The following NSUN3 variants were observed in gnomAD, a reference collection of about 807,000 sequenced individuals.
The protein encoded by NSUN3 is NOP2/Sun RNA methyltransferase 3.
A neutral mutation model predicts 36.8 loss-of-function variants in NSUN3; 24 were observed. That is an observed-to-expected ratio of 0.65 (90% CI 0.47 to 0.92). NSUN3 has a LOEUF of 0.92. Among genes scored for constraint, NSUN3 ranks in the 40% least tolerant of loss-of-function variants. The probability of loss-of-function intolerance (pLI) is 0.00; values close to 1 mark genes in which losing one functional copy is unlikely to be tolerated. For synonymous variants in NSUN3, 146 were observed against 145.2 expected (o/e 1.01, Z -0.04); for missense variants, 381 against 392.8 (o/e 0.97, Z 0.25).
At chr3:94,118,400 A>G (rs1391400813) in intron 5 of NSUN3, among the ~76,000 whole-genome samples, 1 of 152,182 alleles carries the variant, frequency 6.6e-6, no homozygotes, top group Non-Finnish European at 1.5e-5. Context: ...GTTGTTAGTC[A>G]TGACATTTTT....
intron 1 of NSUN3, 44 bp downstream of exon 1, chr3:94,063,182 G>T (rs909166833): frequency 6.2e-7 from 1 of 1,608,758 alleles, no homozygotes; most frequent in Admixed American, 1.7e-5. Flanking sequence ...TGAATGAGAC[G>T]CTTCTGGACG....
chr3:94,119,137 A>G (rs2077451850), intron 5 of NSUN3, among the ~76,000 whole-genome samples: 1 of 152,194 alleles, frequency 6.6e-6, no homozygotes, highest in African/African-American at 2.4e-5. Context: ...ACATTATTGT[A>G]ATGGACAGGG....
chr3:94,102,586 T>G (rs1462010128), intron 5 of NSUN3, among the ~76,000 whole-genome samples: 2 of 152,188 alleles, frequency 1.3e-5, no homozygotes, highest in Non-Finnish European at 2.9e-5. Context: ...CTTCATCTTG[T>G]TTCTTTTTTC....
Position 94,063,065 on chromosome 3 carries a change from C to T in NSUN3, c.-62C>T, listed in dbSNP as rs2077186712. 3 of 1,600,668 alleles carry T rather than the reference C, an allele frequency of 1.9e-6. No individual in the cohort carries two copies. The highest frequency in any genetic ancestry group is 2.7e-5 in the African/African-American group (2 of 74,504). On this transcript the variant is annotated 5_prime_UTR_variant, in exon 1 of 6. Transcript: ENST00000314622. ...GGAAGTCAGACTGTTTTTTTCAGTTCCCTGGAGGCTTTTTGATACTGATTC... is the reference window on the plus strand; with the variant it reads ...GGAAGTCAGACTGTTTTTTTCAGTTTCCTGGAGGCTTTTTGATACTGATTC...
intron 5 of NSUN3, among the ~76,000 whole-genome samples, chr3:94,124,606 G>C (rs1452903519): frequency 6.6e-6 from 1 of 151,900 alleles, no homozygotes; most frequent in East Asian, 1.9e-4. Flanking sequence ...AAGGATCCCA[G>C]TCATATTCCA....
chr3:94,116,129 T>C (rs1425694449), intron 5 of NSUN3, among the ~76,000 whole-genome samples: 1 of 152,212 alleles, frequency 6.6e-6, no homozygotes, highest in Non-Finnish European at 1.5e-5. Flanking sequence ...TTTTCCTTTC[T>C]TACTATCCTT....
intron 2 of NSUN3, among the ~76,000 whole-genome samples, chr3:94,077,832 C>A (rs896029371): frequency 7.9e-5 from 12 of 152,024 alleles, no homozygotes; most frequent in Non-Finnish European, 1.5e-4. Context: ...TCTCTCTTTT[C>A]TTCTTTATTA....
chr3:94,081,862 C>T (rs1049638985), intron 2 of NSUN3: 1 of 152,124 alleles, frequency 6.6e-6, no homozygotes, highest in Non-Finnish European at 1.5e-5. Flanking sequence ...GGCAAGGTTA[C>T]TATATCTCTA....
At chr3:94,120,102 A>G (rs2077455283) in intron 5 of NSUN3, among the ~76,000 whole-genome samples, 1 of 152,236 alleles carries the variant, frequency 6.6e-6, no homozygotes, top group Non-Finnish European at 1.5e-5. Context: ...GTACAGCTTT[A>G]ATGAAAAAGA....
At chr3:94,102,202 T>TAA (rs5850923) in intron 5 of NSUN3, among the ~76,000 whole-genome samples, 5,212 of 101,326 alleles carry the variant, frequency 0.051, 253 homozygotes, top group African/African-American at 0.14. Context: ...AAAGAAACGT[T>TAA]AAAAAAAAAA....
At position 94,131,059 on chromosome 3, in the gene NSUN3, C is replaced by G. The variant is rs1251986707; in HGVS notation, c.*4569C>G. On this transcript the variant is annotated 3_prime_UTR_variant, in exon 6 of 6. Coordinates refer to ENST00000314622, the MANE Select transcript of NSUN3 (RefSeq NM_022072.5). ...TCCTAAGTAGCCTGGACTACAGGCC[C>G]ACAATACCATGCCTGGCTAATTTTT... Among the ~76,000 whole-genome samples the G allele has an allele frequency of 1.3e-5, 2 of 151,992 alleles. No individual in the cohort carries two copies. Among genetic ancestry groups the G allele is most frequent in the African/African-American group, 4.8e-5 (2 of 41,452 alleles).
rs1219399818 is a variant in NSUN3 at position 94,109,484 on chromosome 3, G to A, written c.743+14330G>A. On this transcript the variant is annotated intron_variant, in intron 5 of 5. Transcript: ENST00000314622. ...AGCTGTTTAAGTAGTCTGTTTTATTGCGTCACTGCTTCTGGTGGTAGGCTT... is the reference window on the plus strand; with the variant it reads ...AGCTGTTTAAGTAGTCTGTTTTATTACGTCACTGCTTCTGGTGGTAGGCTT... Among the ~76,000 whole-genome samples the A allele has an allele frequency of 2.6e-5, 4 of 152,272 alleles. No homozygotes were observed. The South Asian group carries it at 6.2e-4, about 24-fold the overall frequency.
chr3:94,111,015 T>C (rs909803229), intron 5 of NSUN3, among the ~76,000 whole-genome samples: 4 of 152,036 alleles, frequency 2.6e-5, no homozygotes, highest in Non-Finnish European at 4.4e-5. Flanking sequence ...AGTACAAACA[T>C]AGATGATTAC....
At position 94,095,083 on chromosome 3, in the gene NSUN3, T is replaced by A; in HGVS notation, c.672T>A (p.Ser224=). ...CSNDRSWLFS[S]DSQKASCRIS... ...ATGATCGAAGCTGGTTGTTTTCTTC[T>A]GACTCTCAGAAGGCATCCTGTAGGA... Residue 224 remains serine, a synonymous_variant, in exon 5 of 6, where the codon TCT becomes TCA. Transcript: ENST00000314622. 2 of 1,614,050 alleles carry A rather than the reference T, an allele frequency of 1.2e-6. No homozygotes were observed. Among genetic ancestry groups the A allele is most frequent in the South Asian group, 2.2e-5 (2 of 91,084 alleles).
chr3:94,109,392 C>A (rs2077406750), intron 5 of NSUN3, among the ~76,000 whole-genome samples: 1 of 152,068 alleles, frequency 6.6e-6, no homozygotes, highest in Admixed American at 6.5e-5. Flanking sequence ...GGAGTTTGGT[C>A]AGAGTAAAAT....
intron 5 of NSUN3, among the ~76,000 whole-genome samples, chr3:94,112,048 G>A (rs549119776): frequency 7.4e-4 from 112 of 152,170 alleles, no homozygotes; most frequent in African/African-American, 2.6e-3. Context: ...AGTCAACATC[G>A]CAGGTCAAGT....
chr3:94,112,730 G>A (rs766142435), intron 5 of NSUN3, among the ~76,000 whole-genome samples: 2 of 152,224 alleles, frequency 1.3e-5, no homozygotes, highest in Non-Finnish European at 2.9e-5. Flanking sequence ...TAGGAAATTA[G>A]CCTTGGCTGT....
intron 5 of NSUN3, among the ~76,000 whole-genome samples, chr3:94,104,003 T>A (rs1378389689): frequency 6.6e-6 from 1 of 152,116 alleles, no homozygotes; most frequent in African/African-American, 2.4e-5. Context: ...GACTAATGAG[T>A]TTTGCTAAGA....
At chr3:94,085,007 A>C (rs2107247882) in intron 3 of NSUN3, 1 of 152,398 alleles carries the variant, frequency 6.6e-6, no homozygotes, top group South Asian at 2.1e-4. Context: ...TAATCAAAAT[A>C]GAAATAATGA....
Sources: allele counts gnomAD v4.1 joint callset (sites outside exome capture counted in the v4.1 genomes callset), GRCh38; gene constraint gnomAD v4.1.1; transcripts MANE v1.5; gene names NCBI Gene and HGNC (gene_info 2026-07-23, HGNC 2026-07-21).